RBM10: variants seen among roughly 807,000 people sequenced by gnomAD.
The protein encoded by RBM10 is RNA binding motif protein 10.
A neutral mutation model predicts 84.9 loss-of-function variants in RBM10; 1 was observed. The ratio of observed to expected loss-of-function variants is 0.01; its 90% CI spans 0.00 to 0.06. RBM10 has a LOEUF of 0.06. Among genes scored for constraint, RBM10 ranks in the 10% least tolerant of loss-of-function variants. RBM10 has a pLI of 1.00. For missense variants in RBM10, 438 were observed against 839.0 expected, an observed-to-expected ratio of 0.52 and a Z score of 5.90; for synonymous variants, 326 against 344.5, an observed-to-expected ratio of 0.95 and a Z score of 0.60.
At chrX:47,160,871 G>C (rs1933624964) in intron 2 of RBM10, among the ~76,000 whole-genome samples, 1 of 112,395 alleles carries the variant, frequency 8.9e-6, no homozygotes, top group Non-Finnish European at 1.9e-5. Context: ...TTGCAGGACT[G>C]TCTCTGTTGC....
At chrX:47,161,925 C>A (rs1034792852) in intron 2 of RBM10, among the ~76,000 whole-genome samples, 1 of 111,430 alleles carries the variant, frequency 9.0e-6, no homozygotes, top group African/African-American at 3.3e-5. Context: ...TCACTGCAAT[C>A]TTTGCTCCCT....
At chrX:47,166,239 T>G (rs1934190745) in intron 2 of RBM10, among the ~76,000 whole-genome samples, 1 of 110,422 alleles carries the variant, frequency 9.1e-6, no homozygotes, top group African/African-American at 3.3e-5. Flanking sequence ...AGGTCCTGTA[T>G]CTACAAAAAA....
chrX:47,182,147 C>T lies in RBM10; in HGVS notation c.1786-15C>T. 1.7e-6 allele frequency: 2 copies of T among 1,211,689 alleles called. No homozygotes were observed. The highest frequency in any genetic ancestry group is 2.2e-6 in the Non-Finnish European group (2 of 895,490). On this transcript the variant is annotated splice_polypyrimidine_tract_variant and intron_variant, in intron 16 of 23. Coordinates refer to ENST00000377604, the MANE Select transcript of RBM10 (RefSeq NM_005676.5). ...GGTCTTCCCTCACATCCCCTCTTCC[C>T]TCCTCCTCCCTCAGTATTACTACAA...
At chrX:47,149,422 G>A (rs1019655878) in intron 2 of RBM10, among the ~76,000 whole-genome samples, 3 of 111,818 alleles carry the variant, frequency 2.7e-5, no homozygotes, top group African/African-American at 9.8e-5. Flanking sequence ...GTGCAATGGC[G>A]CAGTCTTGGC....
chrX:47,174,188 G>A (rs782472523), intron 5 of RBM10, among the ~76,000 whole-genome samples: 64 of 108,818 alleles, frequency 5.9e-4, no homozygotes, highest in Non-Finnish European at 8.8e-4. Context: ...CACCACACAC[G>A]GACAGCTTCT....
Position 47,185,758 on chromosome X carries a change from G to A in RBM10, c.2398G>A (p.Glu800Lys), listed in dbSNP as rs2147220064. 1.7e-6 allele frequency: 2 copies of A among 1,211,640 alleles called. No individual in the cohort carries two copies. The highest frequency in any genetic ancestry group is 2.2e-6 in the Non-Finnish European group (2 of 895,385). ...CCGGCGAGCCCACTTGTCAGAAAAC[G>A]AGCTAGAAGCACTAGAGAAGAATGA... Reference protein sequence around the residue: ...IHRRAHLSENELEALEKNDME... With the variant: ...IHRRAHLSENKLEALEKNDME... Residue 800 changes from glutamate to lysine, a missense_variant, in exon 21 of 24, where the codon GAG becomes AAG. This residue lies in a region of RBM10 where 92 missense variants were observed against 199.9 expected (regional missense o/e 0.46). Coordinates refer to ENST00000377604, the MANE Select transcript of RBM10 (RefSeq NM_005676.5).
At chrX:47,162,069 C>T in intron 2 of RBM10, among the ~76,000 whole-genome samples, 1 of 111,787 alleles carries the variant, frequency 8.9e-6, no homozygotes, top group South Asian at 3.7e-4. Flanking sequence ...TCTCCATCTC[C>T]TGATCTCGTG....
intron 2 of RBM10, among the ~76,000 whole-genome samples, chrX:47,147,709 C>T (rs1206142664): frequency 9.0e-6 from 1 of 111,148 alleles, no homozygotes; most frequent in African/African-American, 3.3e-5. Context: ...CATGAGATTG[C>T]ATCCTTCTCA....
chrX:47,147,541 G>C (rs377472320), intron 2 of RBM10, 43 bp downstream of exon 2: 1 of 1,199,063 alleles, frequency 8.3e-7, no homozygotes, highest in Non-Finnish European at 1.1e-6. Context: ...CTAGGCTTGC[G>C]TCTATGTGAG....
intron 3 of RBM10, 152 bp from the exon 4 acceptor site, chrX:47,170,876 G>A (rs1051452729): frequency 1.8e-5 from 10 of 562,095 alleles, no homozygotes; most frequent in Non-Finnish European, 2.4e-5. Context: ...TGCAGGCCGG[G>A]GCCTGCCCAC....
chrX:47,170,863 G>T (rs1556772384), intron 3 of RBM10, among the ~76,000 whole-genome samples, 165 bp from the exon 4 acceptor site: 1 of 112,393 alleles, frequency 8.9e-6, no homozygotes, highest in Non-Finnish European at 1.9e-5. Context: ...GTCCCAGAAA[G>T]ATTGCAGGCC....
rs2147223974 is a variant in RBM10, at chrX:47,186,166, C to T, written c.2532C>T (p.Ala844=). The part of the protein sequence containing the change: ...KRRKYGGIST[A]SVDFEQPTRD... ...GGAAGTACGGCGGCATATCCACAGC[C>T]TCTGTGTGAGTGGCTGGGCCAGGTG... The change falls in exon 22 of 24, where the codon GCC becomes GCT. Residue 844 remains alanine, a synonymous_variant. Transcript: ENST00000377604. 2 of 1,212,555 alleles carry T rather than the reference C, an allele frequency of 1.6e-6. No individual in the cohort carries two copies. Among genetic ancestry groups the T allele is most frequent in the Non-Finnish European group, 2.2e-6 (2 of 895,573 alleles).
At chrX:47,154,847 C>G (rs782309247) in intron 2 of RBM10, among the ~76,000 whole-genome samples, 1 of 109,250 alleles carries the variant, frequency 9.2e-6, no homozygotes, top group Non-Finnish European at 1.9e-5. Context: ...TAGGCATTTA[C>G]GGTAGGGAAA....
intron 2 of RBM10, among the ~76,000 whole-genome samples, chrX:47,150,034 C>G (rs1932689906): frequency 9.1e-6 from 1 of 110,164 alleles, no homozygotes. Flanking sequence ...GTTGGTCAGG[C>G]TGGTCTCGAA....
At chrX:47,183,515 C>G (rs1056926014) in intron 17 of RBM10, among the ~76,000 whole-genome samples, 2 of 107,774 alleles carry the variant, frequency 1.9e-5, no homozygotes, top group Admixed American at 1.0e-4. Flanking sequence ...GAACGAGACT[C>G]CTTCTCAAAA....
rs1049599906 is a variant in RBM10, at chrX:47,150,877, C to T, written c.17+3379C>T. Among the ~76,000 whole-genome samples the T allele has an allele frequency of 3.6e-5, 4 of 111,922 alleles. No homozygotes were observed. The Admixed American group carries it at 3.8e-4, about 11-fold the overall frequency. On this transcript the variant is annotated intron_variant, in intron 2 of 23. Coordinates refer to ENST00000377604, the MANE Select transcript of RBM10 (RefSeq NM_005676.5). ...AACAAGAATTTTGATCGATGTTACACTGAACTTCTCTATTAATTTGGGGAA... is the reference window on the plus strand; with the variant it reads ...AACAAGAATTTTGATCGATGTTACATTGAACTTCTCTATTAATTTGGGGAA...
rs2147155664 is a variant in RBM10 at position 47,176,463 on chromosome X, C to T, written c.577-37C>T. 3 of 1,208,294 alleles carry T rather than the reference C, an allele frequency of 2.5e-6. No individual in the cohort carries two copies. In the East Asian group the frequency reaches 8.9e-5, roughly 36 times the overall value. ...TGCTGAAACGGTGCGTGGGGCACTG[C>T]TGCCTGGACCTCACTGTGCTCTGCT... On this transcript the variant is annotated intron_variant, in intron 6 of 23. Transcript: ENST00000377604.
chrX:47,172,998 G>A (rs1934785363), intron 4 of RBM10, 130 bp from the exon 5 acceptor site: 1 of 1,156,670 alleles, frequency 8.6e-7, no homozygotes, highest in Admixed American at 2.6e-5. Flanking sequence ...GGGAAAAGCT[G>A]CGAAAGAGGC....
Position 47,157,526 on chromosome X carries a change from G to A in RBM10, c.17+10028G>A, listed in dbSNP as rs782451134. ...TGAAGGGCAGCAAGCAGATCCTGCC[G>A]CCTTCCATGTAGATCTCAATCTTCC... On this transcript the variant is annotated intron_variant, in intron 2 of 23. Transcript: ENST00000377604. 3.3e-4 allele frequency: 137 copies of A among 412,385 alleles called. 1 individual carries two copies. The Admixed American group carries it at 4.0e-3, about 12-fold the overall frequency. The allele number at this position is 412,385 out of a possible 1,213,427, so 34.0% of individuals were successfully genotyped here. A position where few individuals can be genotyped will look rare whatever the true frequency, so the allele number is the denominator to read the frequency against.
Sources: allele counts gnomAD v4.1 joint callset (sites outside exome capture counted in the v4.1 genomes callset), GRCh38; gene constraint gnomAD v4.1.1; regional missense constraint gnomAD v4.1.1; transcripts MANE v1.5; gene names NCBI Gene and HGNC (gene_info 2026-07-23, HGNC 2026-07-21).